The following FHAD1 variants were observed in gnomAD, a reference collection of about 807,000 sequenced individuals.
The protein encoded by FHAD1 is forkhead associated phosphopeptide binding domain 1.
In FHAD1, 146 loss-of-function variants were observed where a neutral mutation model predicts 191.3. That is an observed-to-expected ratio of 0.76 (90% CI 0.67 to 0.88). FHAD1 has a LOEUF of 0.88. Among genes scored for constraint, FHAD1 ranks in the 40% least tolerant of loss-of-function variants. FHAD1 has a pLI of 0.00. For synonymous variants in FHAD1, 616 were observed against 672.3 expected (o/e 0.92, Z 1.29); for missense variants, 1,635 against 1,785.8 (o/e 0.92, Z 1.52).
intron 28 of FHAD1, among the ~76,000 whole-genome samples, chr1:15,380,044 G>A (rs7537277): frequency 0.069 from 10,569 of 152,212 alleles, 732 homozygotes; most frequent in African/African-American, 0.18. Context: ...TCCAGTTTCC[G>A]CTGCGTGAAA....
chr1:15,308,542 T>C lies in FHAD1; in HGVS notation c.916-71T>C, dbSNP rs542726015. ...CTCAATCTGAATCTTTCTGTCAAGCTTGTGAGAAGTACCTGTGTGTCTCCC... is the reference window on the plus strand; with the variant it reads ...CTCAATCTGAATCTTTCTGTCAAGCCTGTGAGAAGTACCTGTGTGTCTCCC... On this transcript the variant is annotated intron_variant, in intron 6 of 33. Transcript: ENST00000688493. 1,020 of 1,523,918 alleles carry C rather than the reference T, an allele frequency of 6.7e-4. 4 individuals are homozygous for C. The highest frequency in any genetic ancestry group is 1.4e-3 in the Admixed American group (65 of 45,760). The allele number at this position is 1,523,918 out of a possible 1,614,324, so 94.4% of individuals were successfully genotyped here.
In FHAD1 at chr1:15,327,148, T is replaced by C; in HGVS notation, c.1557+6T>C. ...AGCCCGTCACCGACCAACAGGTTAG[T>C]CTGCCGTCCCTGCCACGTGGCTCCT... On this transcript the variant is annotated splice_donor_region_variant and intron_variant, in intron 12 of 33. Coordinates refer to ENST00000688493, the MANE Select transcript of FHAD1 (RefSeq NM_001391957.1). This position sits in a 1 kb window ranked among gnomAD's most constrained non-coding sequence, Gnocchi z 5.1. 1.3e-6 allele frequency: 2 copies of C among 1,547,230 alleles called. No individual in the cohort carries two copies. The highest frequency in any genetic ancestry group is 1.7e-6 in the Non-Finnish European group (2 of 1,143,184).
chr1:15,352,828 A>T (rs1227843236), intron 19 of FHAD1, 49 bp from the exon 20 acceptor site: 2 of 1,389,752 alleles, frequency 1.4e-6, no homozygotes, highest in Non-Finnish European at 2.0e-6. Context: ...TTCCAGTGTC[A>T]TTTCCCTTTG....
At chr1:15,338,516 C>G (rs1685183382) in intron 14 of FHAD1, among the ~76,000 whole-genome samples, 1 of 152,206 alleles carries the variant, frequency 6.6e-6, no homozygotes, top group African/African-American at 2.4e-5. Flanking sequence ...CACCCCATCT[C>G]GAAATCCTTA....
intron 13 of FHAD1, chr1:15,328,661 T>G: frequency 2.6e-6 from 1 of 383,058 alleles, no homozygotes; most frequent in Non-Finnish European, 4.6e-6. Flanking sequence ...CATCTTCAAT[T>G]ACTGACTTTG....
Position 15,381,411 on chromosome 1 carries a change from G to A in FHAD1, c.3982G>A (p.Glu1328Lys). 1 of 1,551,634 alleles carries A rather than the reference G, an allele frequency of 6.4e-7. No homozygotes were observed. Residue 1328 changes from glutamate to lysine, a missense_variant, in exon 30 of 34, where the codon GAG (glutamate) becomes AAG (lysine). Transcript: ENST00000688493. This position sits in a 1 kb window ranked among gnomAD's most constrained non-coding sequence, Gnocchi z 4.6. ...CAAGAACCAGCTGGGGAGGAAAGAGGAGCTGTTGAGAGGATATGAAAAGGA... is the reference window on the plus strand; with the variant it reads ...CAAGAACCAGCTGGGGAGGAAAGAGAAGCTGTTGAGAGGATATGAAAAGGA... ...QLKNQLGRKE[E>K]LLRGYEKDVE...
upstream of FHAD1, among the ~76,000 whole-genome samples, chr1:15,243,118 T>A (rs1345113156): frequency 1.3e-5 from 2 of 152,128 alleles, no homozygotes; most frequent in African/African-American, 4.8e-5. Flanking sequence ...AACTGAATGC[T>A]CCAAACCAGC....
At chr1:15,266,492 C>A (rs1178862881) in intron 2 of FHAD1, among the ~76,000 whole-genome samples, 1 of 151,920 alleles carries the variant, frequency 6.6e-6, no homozygotes, top group Non-Finnish European at 1.5e-5. Flanking sequence ...AACCCCTCCC[C>A]CACAACACTC....
At chr1:15,372,215 C>A (rs79345226) in intron 26 of FHAD1, among the ~76,000 whole-genome samples, 2 of 123,146 alleles carry the variant, frequency 1.6e-5, no homozygotes, top group African/African-American at 3.2e-5. Context: ...AGGAAGGGAA[C>A]GAGTGGTGGG....
Position 15,272,308 on chromosome 1 carries a change from C to T in FHAD1, c.94-15C>T. ...TTGTTTTCATGGCTACGACTGTCCT[C>T]CTTCTCCGTTGCAGTCTCCTGACAT... is the stretch of plus-strand genomic sequence containing the variant. On this transcript the variant is annotated splice_polypyrimidine_tract_variant and intron_variant, in intron 2 of 33. Coordinates refer to ENST00000688493, the MANE Select transcript of FHAD1 (RefSeq NM_001391957.1). 6.5e-7 allele frequency: 1 copy of T among 1,544,546 alleles called. No individual in the cohort carries two copies. The highest frequency in any genetic ancestry group is 8.8e-7 in the Non-Finnish European group (1 of 1,140,826).
intron 3 of FHAD1, among the ~76,000 whole-genome samples, chr1:15,285,975 C>T (rs779786816): frequency 3.3e-5 from 5 of 152,132 alleles, no homozygotes; most frequent in Non-Finnish European, 5.9e-5. Flanking sequence ...TATGAATCCA[C>T]TTATATGAGG....
downstream of FHAD1, among the ~76,000 whole-genome samples, chr1:15,401,432 C>T (rs1401809919): frequency 6.6e-6 from 1 of 152,180 alleles, no homozygotes; most frequent in East Asian, 1.9e-4. Context: ...TACCTGTATA[C>T]CCAAACCTCC....
At chr1:15,280,409 G>A (rs1322691302) in intron 3 of FHAD1, among the ~76,000 whole-genome samples, 1 of 152,042 alleles carries the variant, frequency 6.6e-6, no homozygotes, top group Non-Finnish European at 1.5e-5. Context: ...TGAAGTGGAG[G>A]GCATGGGGCA....
rs1178543393 is a variant in FHAD1, at chr1:15,369,425, C to T, written c.3370C>T (p.Arg1124Trp). ...QLNTEKEQKPRKKTQTCDTSV... is the reference protein window; with the variant it reads ...QLNTEKEQKPWKKTQTCDTSV... The stretch of plus-strand genomic sequence containing the variant: ...GAACACAGAGAAGGAACAGAAGCCC[C>T]GGAAGAAGACCCAGACGTGTGACAC... Residue 1124 changes from arginine to tryptophan, a missense_variant, in exon 26 of 34, where the codon CGG becomes TGG. Arg to Trp is a moderately radical substitution (Grantham distance 101). Coordinates refer to ENST00000688493, the MANE Select transcript of FHAD1 (RefSeq NM_001391957.1). 1.0e-5 allele frequency: 16 copies of T among 1,551,754 alleles called. No individual in the cohort carries two copies. The highest frequency in any genetic ancestry group is 1.7e-4 in the Middle Eastern group (1 of 6,014).
chr1:15,342,813 C>CTACACCCAGCTAATTATT (rs1289843301), intron 16 of FHAD1, among the ~76,000 whole-genome samples: 1 of 152,010 alleles, frequency 6.6e-6, no homozygotes, highest in Non-Finnish European at 1.5e-5. Context: ...GCATATGGCA[C>CTACACCCAGCTAATTATT]TACACCCAGC....
intron 1 of FHAD1, among the ~76,000 whole-genome samples, chr1:15,248,678 C>T (rs1397191685): frequency 2.6e-5 from 4 of 151,892 alleles, no homozygotes; most frequent in Admixed American, 1.3e-4. Context: ...CTCTGCTGCA[C>T]GGTTTCAAGT....
At chr1:15,320,395 C>G (rs892724919) in intron 10 of FHAD1, among the ~76,000 whole-genome samples, 2 of 152,120 alleles carry the variant, frequency 1.3e-5, no homozygotes, top group African/African-American at 4.8e-5. Flanking sequence ...CTTAAATGCT[C>G]TTGTTGATTT....
intron 3 of FHAD1, among the ~76,000 whole-genome samples, chr1:15,284,677 T>A (rs138913895): frequency 8.5e-4 from 130 of 152,116 alleles, no homozygotes; most frequent in African/African-American, 3.0e-3. Context: ...AAGCAGATGT[T>A]AGCGTAATAA....
intron 4 of FHAD1, among the ~76,000 whole-genome samples, chr1:15,293,693 GGGC>G (rs1665880945): frequency 6.6e-6 from 1 of 152,184 alleles, no homozygotes; most frequent in Admixed American, 6.5e-5. Context: ...ACTCCAGCCT[GGGC>G]GGACAGAGCA....
Sources: gnomAD v4.1 joint callset for allele counts (sites outside exome capture counted in the v4.1 genomes callset) on GRCh38, gnomAD v4.1.1 for gene constraint, Gnocchi (gnomAD v3.1) non-coding constraint, MANE v1.5 for transcripts, NCBI Gene and HGNC (gene_info 2026-07-23, HGNC 2026-07-21) for gene names.